The following AGBL1 variants were observed in gnomAD, a reference collection of about 807,000 sequenced individuals.
AGBL1 encodes AGBL carboxypeptidase 1, also known as cytosolic carboxypeptidase 4.
In AGBL1, 130 loss-of-function variants were observed where a neutral mutation model predicts 118.9. That is an observed-to-expected ratio of 1.09 (90% CI 0.95 to 1.26). The LOEUF (loss-of-function observed/expected upper bound fraction) is 1.26. Among genes scored for constraint, AGBL1 ranks in the 50% most tolerant of loss-of-function variants. The pLI, the probability that AGBL1 is intolerant of heterozygous loss-of-function variation, is 0.00. For synonymous variants in AGBL1, 555 were observed against 478.9 expected (o/e 1.16, Z -2.08); for missense variants, 1,584 against 1,298.1 (o/e 1.22, Z -3.38).
chr15:86,368,003 TG>T lies in AGBL1; in HGVS notation c.2375-29362del, dbSNP rs11316213. On this transcript the variant is annotated intron_variant, in intron 17 of 22. Transcript: ENST00000614907. The stretch of plus-strand genomic sequence containing the variant: ...TTCTAGAGTCAGGCTCACTATTTGA[TG>T]TCAGAGTCTGGAGCTGGGTTTGGTT... Among the ~76,000 whole-genome samples the T allele has an allele frequency of 4.4e-3, 663 of 152,236 alleles. 3 individuals carry two copies. The highest frequency in any genetic ancestry group is 0.013 in the African/African-American group (551 of 41,532).
chr15:86,320,742 T>C (rs1043339813), intron 17 of AGBL1, among the ~76,000 whole-genome samples: 1 of 152,002 alleles, frequency 6.6e-6, no homozygotes, highest in African/African-American at 2.4e-5. Context: ...TGTGTGTGTG[T>C]GTATTCATTT....
chr15:86,902,316 G>GT (rs2080222041), intron 22 of AGBL1, among the ~76,000 whole-genome samples: 1 of 152,096 alleles, frequency 6.6e-6, no homozygotes, highest in Admixed American at 6.6e-5. Flanking sequence ...TAGGTGGGCA[G>GT]TGATATCTCA....
chr15:87,015,835 T>C (rs905679344), intron 24 of AGBL1, among the ~76,000 whole-genome samples: 1 of 152,122 alleles, frequency 6.6e-6, no homozygotes, highest in African/African-American at 2.4e-5. Context: ...ATGGGAAAAA[T>C]GCCCTCATGG....
chr15:86,845,656 A>C (rs183685062), intron 22 of AGBL1, among the ~76,000 whole-genome samples: 1 of 152,180 alleles, frequency 6.6e-6, no homozygotes, highest in Non-Finnish European at 1.5e-5. Flanking sequence ...AAAGATTAGT[A>C]TTATTTCATC....
intron 18 of AGBL1, among the ~76,000 whole-genome samples, chr15:86,435,750 G>C (rs1265814014): frequency 6.6e-6 from 1 of 152,144 alleles, no homozygotes; most frequent in Non-Finnish European, 1.5e-5. Flanking sequence ...CCTCTCTGCG[G>C]CTCGGATTCC....
intron 5 of AGBL1, among the ~76,000 whole-genome samples, chr15:86,177,131 A>C (rs2077492279): frequency 6.6e-6 from 1 of 152,222 alleles, no homozygotes; most frequent in African/African-American, 2.4e-5. Flanking sequence ...AATGATAATC[A>C]AAAGAAAGCT....
chr15:86,158,859 G>A lies in AGBL1; in HGVS notation c.395-74G>A, dbSNP rs1597473170. 5.3e-6 allele frequency: 7 copies of A among 1,316,354 alleles called. No homozygotes were observed. In the East Asian group the frequency reaches 1.6e-4, roughly 31 times the overall value. 81.5% of individuals were successfully genotyped at this position (1,316,354 alleles called of 1,614,324 possible). On this transcript the variant is annotated intron_variant, in intron 4 of 22. Coordinates refer to ENST00000614907, the MANE Select transcript of AGBL1 (RefSeq NM_001386094.1). ...CAAGTTGCCCCTTAAAGATTTAAAGGAGTCAATCCAAGTTGTCTTGAGCCT... is the reference window on the plus strand; with the variant it reads ...CAAGTTGCCCCTTAAAGATTTAAAGAAGTCAATCCAAGTTGTCTTGAGCCT...
At chr15:86,636,039 C>A (rs1422230929) in intron 21 of AGBL1, among the ~76,000 whole-genome samples, 2 of 152,100 alleles carry the variant, frequency 1.3e-5, no homozygotes, top group African/African-American at 4.8e-5. Flanking sequence ...TCACCATGAA[C>A]TAAATAGATC....
intron 5 of AGBL1, among the ~76,000 whole-genome samples, chr15:86,193,669 A>G (rs912894543): frequency 1.2e-4 from 18 of 152,162 alleles, no homozygotes; most frequent in African/African-American, 4.1e-4. Context: ...GGAACAAGGG[A>G]TCGTGTTTCT....
intron 1 of AGBL1, among the ~76,000 whole-genome samples, chr15:86,113,802 A>G (rs2141553081): frequency 6.6e-6 from 1 of 152,316 alleles, no homozygotes; most frequent in East Asian, 1.9e-4. Context: ...CCGTTTTACT[A>G]CTAGGCAAGT....
chr15:86,631,761 C>T (rs932802618), intron 21 of AGBL1, among the ~76,000 whole-genome samples: 8 of 152,160 alleles, frequency 5.3e-5, no homozygotes, highest in African/African-American at 9.7e-5. Context: ...TCATAGCCAA[C>T]CCCAGGTCCT....
chr15:86,846,365 G>C (rs1056501367), intron 22 of AGBL1, among the ~76,000 whole-genome samples: 4 of 152,192 alleles, frequency 2.6e-5, no homozygotes, highest in Non-Finnish European at 5.9e-5. Context: ...CTGATAAGAA[G>C]TCTGCCATTA....
chr15:86,402,985 C>T (rs571414090), intron 18 of AGBL1, among the ~76,000 whole-genome samples: 26 of 152,270 alleles, frequency 1.7e-4, no homozygotes, highest in African/African-American at 5.1e-4. Flanking sequence ...ACTGATCCAG[C>T]GGTTTCTTGA....
intron 22 of AGBL1, among the ~76,000 whole-genome samples, chr15:86,734,491 A>G (rs929406202): frequency 6.6e-6 from 1 of 152,124 alleles, no homozygotes; most frequent in African/African-American, 2.4e-5. Context: ...GAGAGTAAGG[A>G]GAGGTGTGGG....
intron 22 of AGBL1, among the ~76,000 whole-genome samples, chr15:86,760,600 G>T (rs1596457601): frequency 6.6e-6 from 1 of 152,036 alleles, no homozygotes; most frequent in South Asian, 2.1e-4. Context: ...CGATAACTTG[G>T]CCAGCCAGCT....
intron 22 of AGBL1, among the ~76,000 whole-genome samples, chr15:86,744,473 A>G (rs2077724805): frequency 6.6e-6 from 1 of 152,130 alleles, no homozygotes; most frequent in Non-Finnish European, 1.5e-5. Flanking sequence ...TAATGAGCAG[A>G]TATGGTTTTC....
chr15:86,671,151 G>A (rs2085739646), intron 21 of AGBL1, among the ~76,000 whole-genome samples: 1 of 152,080 alleles, frequency 6.6e-6, no homozygotes, highest in African/African-American at 2.4e-5. Flanking sequence ...TATAAAGCCT[G>A]GCCAATAAAA....
At chr15:86,864,847 A>G (rs906076228) in intron 22 of AGBL1, among the ~76,000 whole-genome samples, 2 of 152,208 alleles carry the variant, frequency 1.3e-5, no homozygotes, top group African/African-American at 4.8e-5. Flanking sequence ...ATGGATGTCT[A>G]TGAAAGCATT....
chr15:86,163,460 G>T (rs1249377320), intron 5 of AGBL1, among the ~76,000 whole-genome samples: 1 of 152,188 alleles, frequency 6.6e-6, no homozygotes, highest in South Asian at 2.1e-4. Context: ...GGGTATTGTG[G>T]CTCATGCCTG....
Sources: gnomAD v4.1 joint callset for allele counts (sites outside exome capture counted in the v4.1 genomes callset) on GRCh38, gnomAD v4.1.1 for gene constraint, MANE v1.5 for transcripts, NCBI Gene and HGNC (gene_info 2026-07-23, HGNC 2026-07-21) for gene names.